Variants in KAZN observed in about 807,000 individuals in gnomAD.
KAZN encodes kazrin, periplakin interacting protein, also known as kazrin.
Under a neutral mutation model 87.4 loss-of-function variants are expected in KAZN, and 40 were observed. The observed-to-expected ratio is 0.46, with a 90% CI of 0.36 to 0.60. The LOEUF (loss-of-function observed/expected upper bound fraction) is 0.60. Ranked by LOEUF, KAZN falls within the 20% of genes least tolerant of loss-of-function variation. The pLI is 0.00. For missense variants in KAZN, 898 were observed against 1,073.9 expected (o/e 0.84, Z 2.29); for synonymous variants, 466 against 458.3 (o/e 1.02, Z -0.22).
chr1:14,608,396 T>A (rs180833573), intron 1 of KAZN, among the ~76,000 whole-genome samples: 35 of 152,196 alleles, frequency 2.3e-4, no homozygotes, highest in African/African-American at 8.2e-4. Context: ...TCTAGATGGG[T>A]GTAATGGAAA....
At chr1:14,305,454 A>G (rs944959611) in intron 2 of KAZN, among the ~76,000 whole-genome samples, 90 of 152,054 alleles carry the variant, frequency 5.9e-4, no homozygotes, top group East Asian at 3.9e-4. Context: ...AAAAGGTTGG[A>G]AAAAAAACAA....
chr1:14,145,955 T>C (rs1244841528), intron 1 of KAZN, among the ~76,000 whole-genome samples: 1 of 152,024 alleles, frequency 6.6e-6, no homozygotes, highest in African/African-American at 2.4e-5. Context: ...GATTTACATT[T>C]CCTTTTTTTT....
At chr1:14,900,084 G>A (rs1655691312) in intron 1 of KAZN, among the ~76,000 whole-genome samples, 5 of 152,178 alleles carry the variant, frequency 3.3e-5, no homozygotes, top group Admixed American at 3.3e-4. Flanking sequence ...GGCAGAACCT[G>A]GTGACCTGTG....
chr1:14,832,020 C>A (rs1329286057), intron 1 of KAZN, among the ~76,000 whole-genome samples: 1 of 152,040 alleles, frequency 6.6e-6, no homozygotes. Context: ...CGTGGTGAAA[C>A]CCCATCTCTA....
At chr1:14,620,795 A>G (rs1678636797) in intron 1 of KAZN, among the ~76,000 whole-genome samples, 1 of 152,230 alleles carries the variant, frequency 6.6e-6, no homozygotes, top group Admixed American at 6.5e-5. Flanking sequence ...CATCTTTAAA[A>G]TGGAAATAAT....
intron 2 of KAZN, among the ~76,000 whole-genome samples, chr1:15,017,003 A>G (rs553037770): frequency 7.5e-4 from 113 of 149,930 alleles, no homozygotes; most frequent in African/African-American, 2.7e-3. Context: ...GGGAATAAAG[A>G]CCTTATCTGT....
At chr1:14,452,242 C>A (rs1667317504) in intron 2 of KAZN, among the ~76,000 whole-genome samples, 1 of 152,016 alleles carries the variant, frequency 6.6e-6, no homozygotes, top group Non-Finnish European at 1.5e-5. Context: ...GCCTGGCCAA[C>A]TTTGAATGGG....
intron 2 of KAZN, among the ~76,000 whole-genome samples, chr1:14,379,303 G>T (rs531898552): frequency 1.2e-3 from 184 of 151,982 alleles, no homozygotes; most frequent in Non-Finnish European, 1.8e-3. Context: ...GTGAGACTCA[G>T]CACATTCTCA....
At position 14,901,310 on chromosome 1, in the gene KAZN, G is replaced by A. The variant is rs971242381; in HGVS notation, c.227-59374G>A. ...GTGGGAAGCAGCTTAGCTTAGTTAC[G>A]GGATAACAAGAAGCCCAGTGGAGAT... On this transcript the variant is annotated intron_variant, in intron 1 of 14. Transcript: ENST00000376030. 3.3e-5 allele frequency among the ~76,000 whole-genome samples: 5 copies of A among 152,136 alleles called. No individual in the cohort carries two copies. In the East Asian group the frequency reaches 5.8e-4, roughly 18 times the overall value.
chr1:14,548,352 C>T (rs1673299367), intron 2 of KAZN, among the ~76,000 whole-genome samples: 1 of 152,050 alleles, frequency 6.6e-6, no homozygotes, highest in Non-Finnish European at 1.5e-5. Context: ...GCGCCCACCA[C>T]CATGCCTGGC....
chr1:14,457,818 T>C lies in KAZN; in HGVS notation c.250-141165T>C, dbSNP rs563024391. The stretch of plus-strand genomic sequence containing the variant: ...AATATTCTTTTTTGTTGTTGTTTTT[T>C]GTTTTGTTTTTTTTTTTGAAACGGA... On this transcript the variant is annotated intron_variant, in intron 2 of 16. Coordinates refer to the KAZN transcript ENST00000636203. Among the ~76,000 whole-genome samples, 72 of 149,018 alleles carry C rather than the reference T, an allele frequency of 4.8e-4. 1 individual carries two copies. In the South Asian group the frequency reaches 0.015, roughly 32 times the overall value.
At chr1:14,365,369 G>C (rs1360804314) in intron 2 of KAZN, among the ~76,000 whole-genome samples, 2 of 3,012 alleles carry the variant, frequency 6.6e-4, no homozygotes, top group Admixed American at 3.7e-3. Flanking sequence ...CCCCCGGGGT[G>C]GGGGGGGGGG....
At chr1:15,046,064 G>A (rs544370295) in intron 4 of KAZN, among the ~76,000 whole-genome samples, 1 of 152,250 alleles carries the variant, frequency 6.6e-6, no homozygotes, top group African/African-American at 2.4e-5. Flanking sequence ...TTGGGAGACC[G>A]AGGAGGGTGG....
At chr1:14,478,246 A>G (rs1375495518) in intron 2 of KAZN, among the ~76,000 whole-genome samples, 1 of 96,128 alleles carries the variant, frequency 1.0e-5, no homozygotes, top group Admixed American at 1.2e-4. Flanking sequence ...GGAAGGAAGG[A>G]AAAGAAGGAA....
At chr1:14,642,963 C>T (rs977966316) in intron 1 of KAZN, among the ~76,000 whole-genome samples, 5 of 152,196 alleles carry the variant, frequency 3.3e-5, no homozygotes, top group Non-Finnish European at 2.9e-5. Context: ...TTGGCACTGT[C>T]TTATAAAGTG....
At chr1:14,846,812 A>C (rs1648826465) in intron 1 of KAZN, among the ~76,000 whole-genome samples, 1 of 152,222 alleles carries the variant, frequency 6.6e-6, no homozygotes, top group East Asian at 1.9e-4. Context: ...CACCTTTATT[A>C]ACTATAGTCT....
chr1:15,104,006 C>T lies in KAZN; in HGVS notation c.1882-17C>T, dbSNP rs368627807. On this transcript the variant is annotated splice_polypyrimidine_tract_variant and intron_variant, in intron 12 of 14. Coordinates refer to ENST00000376030, the MANE Select transcript of KAZN (RefSeq NM_201628.3). ...ATGGCCCCTGCAGGCTAACAAGTCC[C>T]CTGCCTTTGCCCCCAGGAGTACGCA... 6 of 1,610,408 alleles carry T rather than the reference C, an allele frequency of 3.7e-6. No individual in the cohort carries two copies. The African/African-American group carries it at 6.7e-5, about 18-fold the overall frequency.
chr1:14,930,006 C>T (rs774651137), intron 1 of KAZN: 26 of 985,446 alleles, frequency 2.6e-5, no homozygotes, highest in Non-Finnish European at 3.1e-5. Context: ...GCAGTGGCAC[C>T]CAGTTTGGAG....
chr1:14,278,987 T>A (rs1652634657), intron 2 of KAZN, among the ~76,000 whole-genome samples: 2 of 133,314 alleles, frequency 1.5e-5, no homozygotes, highest in South Asian at 4.9e-4. Context: ...ACTGCGTCAA[T>A]CAGGAGGTAG....
Sources: gnomAD v4.1 joint callset for allele counts (sites outside exome capture counted in the v4.1 genomes callset) on GRCh38, gnomAD v4.1.1 for gene constraint, MANE v1.5 for transcripts, NCBI Gene and HGNC (gene_info 2026-07-23, HGNC 2026-07-21) for gene names.